The following FYB1 variants were observed in gnomAD, a reference collection of about 807,000 sequenced individuals.
FYB1 encodes FYN binding protein 1.
In FYB1, 41 loss-of-function variants were observed where a neutral mutation model predicts 94.1. The observed-to-expected ratio is 0.44, with a 90% CI of 0.34 to 0.57. The LOEUF (loss-of-function observed/expected upper bound fraction) is 0.57. Ranked by LOEUF, FYB1 falls within the 20% of genes least tolerant of loss-of-function variation. The probability of loss-of-function intolerance (pLI) is 0.02; values close to 1 mark genes in which losing one functional copy is unlikely to be tolerated. For missense variants in FYB1, 1,050 were observed against 976.8 expected (o/e 1.07, Z -1.00); for synonymous variants, 367 against 353.2 (o/e 1.04, Z -0.44).
intron 1 of FYB1, among the ~76,000 whole-genome samples, chr5:39,203,584 T>C (rs1748575454): frequency 6.6e-6 from 1 of 152,182 alleles, no homozygotes; most frequent in Non-Finnish European, 1.5e-5. Flanking sequence ...AAGTAAGTAA[T>C]AAAATGACTT....
intron 1 of FYB1, among the ~76,000 whole-genome samples, chr5:39,219,115 T>C (rs1024135004): frequency 1.3e-5 from 2 of 152,216 alleles, no homozygotes; most frequent in Admixed American, 6.5e-5. Flanking sequence ...AAACCTTGTT[T>C]CTGGTTTCAC....
chr5:39,217,308 C>G (rs1383381481), intron 1 of FYB1, among the ~76,000 whole-genome samples: 1 of 152,142 alleles, frequency 6.6e-6, no homozygotes, highest in Non-Finnish European at 1.5e-5. Context: ...CATTAGCGAA[C>G]CAAGGTCCTT....
At chr5:39,242,521 T>G (rs1751261546) in intron 1 of FYB1, among the ~76,000 whole-genome samples, 1 of 152,148 alleles carries the variant, frequency 6.6e-6, no homozygotes, top group African/African-American at 2.4e-5. Context: ...TGCCACATTT[T>G]CTTAATCCAA....
rs115730083 is a variant in FYB1, at chr5:39,115,652, A to G, written c.2401+3222T>C. Reference sequence around the variant, plus strand: ...AGGAGAGGGAGGGTTAAAAAATCTTATAGAGGTGTGCCAAGAATGAATTAG... The same window carrying G: ...AGGAGAGGGAGGGTTAAAAAATCTTGTAGAGGTGTGCCAAGAATGAATTAG... On this transcript the variant is annotated intron_variant, in intron 16 of 18. Coordinates refer to ENST00000512982, the MANE Select transcript of FYB1 (RefSeq NM_001465.6). Among the ~76,000 whole-genome samples, 993 of 152,278 alleles carry G rather than the reference A, an allele frequency of 6.5e-3. 16 individuals are homozygous for G. Among genetic ancestry groups the G allele is most frequent in the African/African-American group, 0.023 (937 of 41,538 alleles).
chr5:39,202,540 T>C lies in FYB1; in HGVS notation c.421A>G (p.Ser141Gly). 4 of 1,614,034 alleles carry C rather than the reference T, an allele frequency of 2.5e-6. No individual in the cohort carries two copies. Among genetic ancestry groups the C allele is most frequent in the Non-Finnish European group, 3.4e-6 (4 of 1,179,898 alleles). Reference protein sequence around the residue: ...WPPGNKPSLHSVNQDHDLKPL... With the variant: ...WPPGNKPSLHGVNQDHDLKPL... ...TTTAAGTCATGGTCTTGGTTTACAC[T>C]GTGAAGAGATGGCTTGTTTCCAGGA... is the stretch of plus-strand genomic sequence containing the variant. Residue 141 changes from serine to glycine, a missense_variant, in exon 2 of 19, where the codon AGT becomes GGT. Transcript: ENST00000512982.
At chr5:39,143,157 G>A (rs1222909541) in intron 3 of FYB1, among the ~76,000 whole-genome samples, 1 of 151,990 alleles carries the variant, frequency 6.6e-6, no homozygotes, top group Admixed American at 6.6e-5. Context: ...CTGAGATTCC[G>A]ATTCAAATAT....
At chr5:39,113,229 T>C (rs1739227520) in intron 16 of FYB1, among the ~76,000 whole-genome samples, 1 of 152,082 alleles carries the variant, frequency 6.6e-6, no homozygotes, top group Non-Finnish European at 1.5e-5. Context: ...GTTACACATG[T>C]ACATGTATTA....
intron 1 of FYB1, among the ~76,000 whole-genome samples, chr5:39,268,485 A>G (rs1393118142): frequency 6.6e-6 from 1 of 151,554 alleles, no homozygotes; most frequent in Non-Finnish European, 1.5e-5. Flanking sequence ...TCCCACTTTG[A>G]CCTCCCAAAA....
At chr5:39,203,141 A>G (rs1359169156) in intron 1 of FYB1, 154 bp from the exon 2 acceptor site, 5 of 644,296 alleles carry the variant, frequency 7.8e-6, no homozygotes, top group African/African-American at 1.8e-5. Context: ...CTCTGGCAAA[A>G]TAAGTTGCGA....
chr5:39,175,592 G>T (rs186525264), intron 2 of FYB1, among the ~76,000 whole-genome samples: 9 of 152,292 alleles, frequency 5.9e-5, no homozygotes, highest in Admixed American at 5.9e-4. Context: ...CAATTTATAT[G>T]CCCTTTTCAT....
intron 1 of FYB1, among the ~76,000 whole-genome samples, chr5:39,245,441 G>A (rs1174332449): frequency 1.3e-5 from 2 of 152,098 alleles, no homozygotes; most frequent in Non-Finnish European, 2.9e-5. Context: ...ATTCTTCTGA[G>A]CTTTTGAATG....
At chr5:39,188,333 G>C (rs1446983027) in intron 2 of FYB1, among the ~76,000 whole-genome samples, 4 of 152,024 alleles carry the variant, frequency 2.6e-5, no homozygotes, top group African/African-American at 9.7e-5. Context: ...TGCTTAAATG[G>C]ATTATTCATT....
chr5:39,194,495 C>T (rs1281598971), intron 2 of FYB1, among the ~76,000 whole-genome samples: 1 of 151,610 alleles, frequency 6.6e-6, no homozygotes, highest in African/African-American at 2.4e-5. Flanking sequence ...TGCAGTCCAG[C>T]CTGAGTGACA....
chr5:39,123,262 C>T (rs560731852), intron 13 of FYB1, among the ~76,000 whole-genome samples: 5 of 152,274 alleles, frequency 3.3e-5, no homozygotes, highest in South Asian at 2.1e-4. Flanking sequence ...CCTCCACCCT[C>T]GTGTGTATTC....
At chr5:39,257,379 C>T (rs1168310996) in intron 1 of FYB1, among the ~76,000 whole-genome samples, 1 of 151,040 alleles carries the variant, frequency 6.6e-6, no homozygotes, top group Non-Finnish European at 1.5e-5. Context: ...GTCTCTCTTC[C>T]CAAGATACTT....
At chr5:39,138,050 C>T (rs1381129009) in intron 6 of FYB1, 1 of 311,332 alleles carries the variant, frequency 3.2e-6, no homozygotes, top group African/African-American at 2.2e-5. Flanking sequence ...GCACACGTGC[C>T]TGTGCATTCA....
At chr5:39,132,882 G>A (rs529287990) in intron 9 of FYB1, among the ~76,000 whole-genome samples, 1 of 152,146 alleles carries the variant, frequency 6.6e-6, no homozygotes, top group Non-Finnish European at 1.5e-5. Flanking sequence ...AGAATGTGAC[G>A]ATTTGGAACT....
At chr5:39,148,341 T>G (rs1485854957) in intron 3 of FYB1, among the ~76,000 whole-genome samples, 1 of 144,758 alleles carries the variant, frequency 6.9e-6, no homozygotes, top group East Asian at 2.0e-4. Flanking sequence ...GCCTTTTACT[T>G]TATTGGCTAT....
At chr5:39,227,389 C>T (rs976567996) in intron 1 of FYB1, among the ~76,000 whole-genome samples, 21 of 152,062 alleles carry the variant, frequency 1.4e-4, no homozygotes, top group Admixed American at 6.6e-4. Context: ...AGAGAATGTT[C>T]GTATTCTTAG....
Sources: allele counts gnomAD v4.1 joint callset (sites outside exome capture counted in the v4.1 genomes callset), GRCh38; gene constraint gnomAD v4.1.1; transcripts MANE v1.5; gene names NCBI Gene and HGNC (gene_info 2026-07-23, HGNC 2026-07-21).